Variants in SLC9A9 observed in about 807,000 individuals in gnomAD.
SLC9A9 encodes the protein solute carrier family 9 member A9.
SLC9A9 carries 62 observed loss-of-function variants against 77.8 expected under a neutral mutation model. The ratio of observed to expected loss-of-function variants is 0.80; its 90% CI spans 0.65 to 0.98. The LOEUF (loss-of-function observed/expected upper bound fraction) is 0.98, where lower values mean the gene tolerates loss of function less well. SLC9A9 is among the 50% of genes least tolerant of loss of function. SLC9A9 has a pLI of 0.00. For missense variants in SLC9A9, 775 were observed against 774.9 expected, an observed-to-expected ratio of 1.00 and a Z score of 0.00; for synonymous variants, 320 against 283.5, an observed-to-expected ratio of 1.13 and a Z score of -1.29.
At chr3:143,594,990 T>A (rs1337689731) in intron 6 of SLC9A9, among the ~76,000 whole-genome samples, 1 of 152,254 alleles carries the variant, frequency 6.6e-6, no homozygotes, top group Non-Finnish European at 1.5e-5. Flanking sequence ...CAGAATGTAT[T>A]GCCAAATGGA....
chr3:143,817,369 C>T (rs1422019793), intron 2 of SLC9A9, among the ~76,000 whole-genome samples: 1 of 150,980 alleles, frequency 6.6e-6, no homozygotes, highest in African/African-American at 2.4e-5. Flanking sequence ...AGGATGGTCT[C>T]GATCTCCTGA....
intron 14 of SLC9A9, among the ~76,000 whole-genome samples, chr3:143,358,783 T>TG (rs1037967650): frequency 2.0e-5 from 3 of 152,220 alleles, no homozygotes; most frequent in African/African-American, 7.2e-5. Context: ...GGATGATAGG[T>TG]GGCTTTACAA....
Position 143,507,017 on chromosome 3 carries a change from T to G in SLC9A9, c.1090-11569A>C, listed in dbSNP as rs530925667. 1.6e-4 allele frequency among the ~76,000 whole-genome samples: 25 copies of G among 152,094 alleles called. 1 individual carries two copies. Among genetic ancestry groups the G allele is most frequent in the African/African-American group, 5.8e-4 (24 of 41,526 alleles). On this transcript the variant is annotated intron_variant, in intron 9 of 15. Coordinates refer to ENST00000316549, the MANE Select transcript of SLC9A9 (RefSeq NM_173653.4). Reference sequence around the variant, plus strand: ...TTTTTCAAAGGTTAACAGTCCCTTTTCTTTAACTTTTTTTATTTAGAGATT... The same window carrying G: ...TTTTTCAAAGGTTAACAGTCCCTTTGCTTTAACTTTTTTTATTTAGAGATT...
chr3:143,794,586 G>A (rs1425026138), intron 4 of SLC9A9, among the ~76,000 whole-genome samples: 1 of 152,158 alleles, frequency 6.6e-6, no homozygotes, highest in Non-Finnish European at 1.5e-5. Flanking sequence ...CTGCTGTCTT[G>A]TAAACTTTCC....
intron 14 of SLC9A9, among the ~76,000 whole-genome samples, chr3:143,295,898 C>A (rs1198744148): frequency 2.2e-5 from 3 of 139,526 alleles, no homozygotes; most frequent in Non-Finnish European, 4.6e-5. Context: ...CACACAGCTG[C>A]TCATGGCACC....
chr3:143,479,894 G>T (rs1013068857), intron 11 of SLC9A9, among the ~76,000 whole-genome samples: 1 of 152,212 alleles, frequency 6.6e-6, no homozygotes, highest in Non-Finnish European at 1.5e-5. Context: ...CTCTATGAAA[G>T]CACTAAAGGC....
intron 4 of SLC9A9, among the ~76,000 whole-genome samples, chr3:143,700,080 C>G (rs1172529423): frequency 2.0e-5 from 3 of 151,954 alleles, no homozygotes; most frequent in African/African-American, 4.8e-5. Flanking sequence ...TAGACACACC[C>G]TGGGCCAGAA....
In SLC9A9 at chr3:143,606,446, A is replaced by C. The variant is rs866378626; in HGVS notation, c.756-27723T>G. Among the ~76,000 whole-genome samples, 365 of 132,712 alleles carry C rather than the reference A, an allele frequency of 2.8e-3. 3 individuals are homozygous for C. Among genetic ancestry groups the C allele is most frequent in the East Asian group, 9.2e-3 (43 of 4,682 alleles). The allele number at this position is 132,712 out of a possible 152,430, so 87.1% of individuals were successfully genotyped here. A position where few individuals can be genotyped will look rare whatever the true frequency, so the allele number is the denominator to read the frequency against. ...TCTCTCTCTCTCTCTCTATATATAT[A>C]TATATATATATATATGTATATAAAA... is the stretch of plus-strand genomic sequence containing the variant. On this transcript the variant is annotated intron_variant, in intron 6 of 15. Coordinates refer to ENST00000316549, the MANE Select transcript of SLC9A9 (RefSeq NM_173653.4).
chr3:143,414,046 A>G (rs1483392792), intron 12 of SLC9A9, among the ~76,000 whole-genome samples: 1 of 152,238 alleles, frequency 6.6e-6, no homozygotes, highest in Non-Finnish European at 1.5e-5. Flanking sequence ...AAAATGAAAT[A>G]GTCAGTGTTT....
intron 6 of SLC9A9, among the ~76,000 whole-genome samples, chr3:143,585,065 T>C (rs1475511515): frequency 2.0e-5 from 3 of 152,192 alleles, no homozygotes; most frequent in Admixed American, 6.5e-5. Context: ...GCTTTGTCCC[T>C]GTCTTAGAGA....
intron 6 of SLC9A9, chr3:143,620,671 C>G (rs2038190326): frequency 6.5e-6 from 1 of 152,946 alleles, no homozygotes; most frequent in Non-Finnish European, 1.5e-5. Context: ...CTGCTCCAGT[C>G]TACAGCTCCC....
chr3:143,299,589 G>A (rs773550488), intron 14 of SLC9A9, among the ~76,000 whole-genome samples: 1 of 152,098 alleles, frequency 6.6e-6, no homozygotes, highest in Non-Finnish European at 1.5e-5. Flanking sequence ...GACTACAGGT[G>A]CCTGCCACCT....
chr3:143,297,352 A>G (rs2030314505), intron 14 of SLC9A9, among the ~76,000 whole-genome samples: 3 of 152,230 alleles, frequency 2.0e-5, no homozygotes, highest in African/African-American at 7.2e-5. Flanking sequence ...GTGAAAACAT[A>G]TAGGCCAACG....
chr3:143,586,740 A>G (rs148517007), intron 6 of SLC9A9, among the ~76,000 whole-genome samples: 3 of 152,352 alleles, frequency 2.0e-5, no homozygotes, highest in South Asian at 2.1e-4. Context: ...ATGTTCTGCC[A>G]AAGGCCAATG....
intron 12 of SLC9A9, among the ~76,000 whole-genome samples, chr3:143,434,307 C>G (rs1248551015): frequency 6.6e-6 from 1 of 152,066 alleles, no homozygotes; most frequent in Non-Finnish European, 1.5e-5. Flanking sequence ...TATAATGTAA[C>G]TGCTTCATAG....
chr3:143,592,460 T>C (rs1182667654), intron 6 of SLC9A9, among the ~76,000 whole-genome samples: 1 of 152,196 alleles, frequency 6.6e-6, no homozygotes, highest in Admixed American at 6.5e-5. Context: ...ACTTTTGCAC[T>C]CTTCCAGCAT....
rs1268438942 is a variant in SLC9A9 at position 143,652,194 on chromosome 3, G to T, written c.755+61C>A. 12 of 1,307,756 alleles carry T rather than the reference G, an allele frequency of 9.2e-6. No individual in the cohort carries two copies. The East Asian group carries it at 2.9e-4, about 32-fold the overall frequency. The allele number at this position is 1,307,756 out of a possible 1,614,324, so 81.0% of individuals were successfully genotyped here. A position where few individuals can be genotyped will look rare whatever the true frequency, so the allele number is the denominator to read the frequency against. ...CGTATCTCTGTGACATAAGAGAAAA[G>T]ATACAAGTGAAAGCATATTTCACAT... On this transcript the variant is annotated intron_variant, in intron 6 of 15. Transcript: ENST00000316549.
chr3:143,596,563 G>A (rs1411597447), intron 6 of SLC9A9, among the ~76,000 whole-genome samples: 2 of 152,092 alleles, frequency 1.3e-5, no homozygotes, highest in Non-Finnish European at 2.9e-5. Flanking sequence ...TATGGTCTAT[G>A]GGATCATTAA....
At chr3:143,329,120 C>T (rs16853439) in intron 14 of SLC9A9, among the ~76,000 whole-genome samples, 17,989 of 152,222 alleles carry the variant, frequency 0.12, 1,177 homozygotes, top group East Asian at 0.17. Context: ...CTTAGCGCAG[C>T]CATAACCCAA....
Sources: allele counts gnomAD v4.1 joint callset (sites outside exome capture counted in the v4.1 genomes callset), GRCh38; gene constraint gnomAD v4.1.1; transcripts MANE v1.5; gene names NCBI Gene and HGNC (gene_info 2026-07-23, HGNC 2026-07-21).